The following RPSA2 variants were observed in gnomAD, a reference collection of about 807,000 sequenced individuals.
The protein encoded by RPSA2 is small ribosomal subunit protein uS2B.
At chr19:23,828,390 G>A in the RPSA2 span, among the ~76,000 whole-genome samples, 1 of 140,448 alleles carries the variant, frequency 7.1e-6, no homozygotes, top group African/African-American at 2.6e-5. Context: ...TTTTGAGGTT[G>A]GTGTTTCTAT....
the RPSA2 span, among the ~76,000 whole-genome samples, chr19:23,783,293 C>T: frequency 1.3e-5 from 2 of 151,924 alleles, no homozygotes. Context: ...CGGGGCTTCT[C>T]CATGTTGGTC....
the RPSA2 span, among the ~76,000 whole-genome samples, chr19:23,816,919 C>G: frequency 1.3e-5 from 2 of 152,300 alleles, no homozygotes; most frequent in South Asian, 2.1e-4. Context: ...ATCCCTCCCA[C>G]AACATGTGGG....
the RPSA2 span, among the ~76,000 whole-genome samples, chr19:23,865,111 G>A: frequency 5.3e-5 from 8 of 152,330 alleles, no homozygotes; most frequent in Admixed American, 2.6e-4. Flanking sequence ...ATCTGCTGGA[G>A]CACAGGAAGT....
At chr19:23,831,158 C>T in the RPSA2 span, among the ~76,000 whole-genome samples, 164 of 152,196 alleles carry the variant, frequency 1.1e-3, 2 homozygotes, top group South Asian at 7.1e-3. Flanking sequence ...AATATGCCAC[C>T]ATTTCTTTCA....
chr19:23,847,363 G>A, the RPSA2 span, among the ~76,000 whole-genome samples: 2 of 151,960 alleles, frequency 1.3e-5, no homozygotes, highest in Non-Finnish European at 2.9e-5. Flanking sequence ...GGTTCTTTCT[G>A]TTTTCCATAA....
chr19:23,814,091 A>G, the RPSA2 span, among the ~76,000 whole-genome samples: 1 of 151,548 alleles, frequency 6.6e-6, no homozygotes, highest in Admixed American at 6.6e-5. Flanking sequence ...AGGCGCCTGT[A>G]ATCCCAGCTT....
the RPSA2 span, among the ~76,000 whole-genome samples, chr19:23,817,383 A>C: frequency 6.6e-6 from 1 of 152,226 alleles, no homozygotes; most frequent in African/African-American, 2.4e-5. Context: ...ACTCCATCTC[A>C]AAATAAAATA....
At chr19:23,844,661 T>A in the RPSA2 span, among the ~76,000 whole-genome samples, 1 of 151,274 alleles carries the variant, frequency 6.6e-6, no homozygotes, top group African/African-American at 2.4e-5. Context: ...TTATTTGCTG[T>A]GCAAAAACTT....
chr19:23,845,071 C>T, the RPSA2 span, among the ~76,000 whole-genome samples: 2 of 34,996 alleles, frequency 5.7e-5, no homozygotes, highest in East Asian at 8.0e-4. Flanking sequence ...ATAATCATTG[C>T]TAGTGATTTT....
chr19:23,767,618 A>G, the RPSA2 span, among the ~76,000 whole-genome samples: 3,326 of 152,196 alleles, frequency 0.022, 130 homozygotes, highest in African/African-American at 0.076. Flanking sequence ...GTAATTTAAT[A>G]GGCAGGATGG....
chr19:23,787,438 T>TAAA, the RPSA2 span, among the ~76,000 whole-genome samples: 1 of 147,700 alleles, frequency 6.8e-6, no homozygotes, highest in Non-Finnish European at 1.5e-5. Context: ...CTGTCTCTAC[T>TAAA]AAAAAAAGAA....
At chr19:23,766,841 C>G in the RPSA2 span, among the ~76,000 whole-genome samples, 19 of 151,728 alleles carry the variant, frequency 1.3e-4, no homozygotes, top group Middle Eastern at 3.4e-3. Context: ...TCACTACAAT[C>G]TTCACCTCCT....
At chr19:23,833,681 A>G in the RPSA2 span, among the ~76,000 whole-genome samples, 1 of 152,158 alleles carries the variant, frequency 6.6e-6, no homozygotes, top group Non-Finnish European at 1.5e-5. Flanking sequence ...ACCTGCTCAC[A>G]TCTTACTCAA....
the RPSA2 span, chr19:23,832,742 C>G: frequency 1.9e-5 from 30 of 1,554,308 alleles, no homozygotes; most frequent in African/African-American, 3.8e-4. Flanking sequence ...TATGAAAAAG[C>G]TTTTAGCCAG....
At chr19:23,817,447 C>G in the RPSA2 span, among the ~76,000 whole-genome samples, 1 of 152,188 alleles carries the variant, frequency 6.6e-6, no homozygotes, top group South Asian at 2.1e-4. Flanking sequence ...AGATTGTATT[C>G]TGTTTTAAAT....
chr19:23,843,464 T>C, the RPSA2 span, among the ~76,000 whole-genome samples: 5 of 152,214 alleles, frequency 3.3e-5, no homozygotes, highest in Non-Finnish European at 1.5e-5. Context: ...CTTTATGGAC[T>C]CTACTTCCTA....
the RPSA2 span, chr19:23,826,906 G>A: frequency 2.1e-6 from 1 of 476,652 alleles, no homozygotes; most frequent in Admixed American, 3.3e-5. Context: ...TGGTCTGGTT[G>A]ATCTCGAACT....
the RPSA2 span, among the ~76,000 whole-genome samples, chr19:23,850,239 G>A: frequency 6.7e-6 from 1 of 148,778 alleles, no homozygotes; most frequent in Non-Finnish European, 1.5e-5. Flanking sequence ...AGCCTAATAA[G>A]AATAAGTATG....
chr19:23,789,712 CTTT>C, the RPSA2 span, among the ~76,000 whole-genome samples: 1 of 144,800 alleles, frequency 6.9e-6, no homozygotes, highest in Non-Finnish European at 1.5e-5. Context: ...TATTGTGTTA[CTTT>C]TTTTTTTTTT....
Sources: gnomAD v4.1 joint callset for allele counts (sites outside exome capture counted in the v4.1 genomes callset) on GRCh38, gnomAD v4.1.1 for gene constraint, MANE v1.5 for transcripts, NCBI Gene and HGNC (gene_info 2026-07-23, HGNC 2026-07-21) for gene names.